The following PARD3B variants were observed in gnomAD, a reference collection of about 807,000 sequenced individuals.
PARD3B encodes the protein par-3 family cell polarity regulator beta, also known as partitioning defective 3 homolog B.
PARD3B carries 103 observed loss-of-function variants against 130.2 expected under a neutral mutation model. The observed-to-expected ratio is 0.79, with a 90% CI of 0.67 to 0.93. PARD3B has a LOEUF of 0.93. PARD3B is among the 40% of genes least tolerant of loss of function. The pLI, the probability that PARD3B is intolerant of heterozygous loss-of-function variation, is 0.00. For synonymous variants in PARD3B, 583 were observed against 553.2 expected (o/e 1.05, Z -0.76); for missense variants, 1,609 against 1,499.2 (o/e 1.07, Z -1.21).
At position 205,176,920 on chromosome 2, in the gene PARD3B, AC is replaced by A. The variant is rs915928185; in HGVS notation, c.1924+345del. The stretch of plus-strand genomic sequence containing the variant: ...AGTTACCAAGTATAAATAAATAACT[AC>A]CAAAATTTAAAAATGTATGGATTTA... On this transcript the variant is annotated intron_variant, in intron 13 of 22. Coordinates refer to ENST00000406610, the MANE Select transcript of PARD3B (RefSeq NM_001302769.2). The surrounding 1 kb of genome is among the most constrained non-coding windows in gnomAD (Gnocchi z 5.3). Among the ~76,000 whole-genome samples, 1 of 152,236 alleles carries A rather than the reference AC, an allele frequency of 6.6e-6. No homozygotes were observed. Among genetic ancestry groups the A allele is most frequent in the African/African-American group, 2.4e-5 (1 of 41,464 alleles).
intron 1 of PARD3B, among the ~76,000 whole-genome samples, chr2:204,607,514 G>A (rs1014250403): frequency 6.6e-6 from 1 of 152,104 alleles, no homozygotes; most frequent in Non-Finnish European, 1.5e-5. Context: ...ACATTACATG[G>A]TTTGACTGGG....
intron 15 of PARD3B, among the ~76,000 whole-genome samples, chr2:205,242,681 C>T (rs1467180377): frequency 2.0e-5 from 3 of 152,164 alleles, no homozygotes; most frequent in Admixed American, 6.5e-5. Context: ...AATTAAATCA[C>T]GTACCCCACA....
chr2:204,855,571 A>G (rs1270562116), intron 2 of PARD3B, among the ~76,000 whole-genome samples: 1 of 148,808 alleles, frequency 6.7e-6, no homozygotes, highest in Non-Finnish European at 1.5e-5. Context: ...ATATATATAT[A>G]TAAGGAATTT....
intron 2 of PARD3B, among the ~76,000 whole-genome samples, chr2:204,743,497 G>C (rs889189284): frequency 6.6e-6 from 1 of 152,068 alleles, no homozygotes; most frequent in African/African-American, 2.4e-5. Flanking sequence ...GCATTTACTG[G>C]TAAGGTTTCT....
At position 204,997,262 on chromosome 2, in the gene PARD3B, C is replaced by T. The variant is rs147567615; in HGVS notation, c.394+31939C>T. 1.2e-3 allele frequency among the ~76,000 whole-genome samples: 182 copies of T among 152,158 alleles called. No homozygotes were observed. In the East Asian group the frequency reaches 0.018, roughly 15 times the overall value. The stretch of plus-strand genomic sequence containing the variant: ...CTTCCACTTTAATTTTAGAACTGGC[C>T]GGTTAAATTTCAGAAGCAGAAACCT... On this transcript the variant is annotated intron_variant, in intron 3 of 22. Transcript: ENST00000406610.
intron 3 of PARD3B, among the ~76,000 whole-genome samples, chr2:205,017,409 C>CA (rs371352755): frequency 2.0e-5 from 3 of 152,154 alleles, no homozygotes; most frequent in African/African-American, 4.8e-5. Flanking sequence ...GTTGCCCCCC[C>CA]ATTCCTTTTC....
chr2:204,639,132 G>C (rs549562238), intron 1 of PARD3B, among the ~76,000 whole-genome samples: 2 of 152,160 alleles, frequency 1.3e-5, no homozygotes, highest in Non-Finnish European at 2.9e-5. Context: ...AGGGATTGGG[G>C]AAAATGAACA....
intron 3 of PARD3B, among the ~76,000 whole-genome samples, chr2:204,972,291 T>C (rs528013458): frequency 3.9e-5 from 6 of 152,296 alleles, no homozygotes; most frequent in African/African-American, 1.4e-4. Flanking sequence ...TAAAATAAAA[T>C]GATGAAGTTT....
chr2:205,606,164 G>A (rs1038483639), intron 22 of PARD3B, among the ~76,000 whole-genome samples: 1 of 151,964 alleles, frequency 6.6e-6, no homozygotes, highest in African/African-American at 2.4e-5. Context: ...CAGGAACTCA[G>A]TAATCTTAAG....
chr2:205,269,002 C>T lies in PARD3B; in HGVS notation c.2185+23180C>T, dbSNP rs941045386. On this transcript the variant is annotated intron_variant, in intron 16 of 22. Coordinates refer to ENST00000406610, the MANE Select transcript of PARD3B (RefSeq NM_001302769.2). The surrounding 1 kb of genome is among the most constrained non-coding windows in gnomAD (Gnocchi z 4.7). Reference sequence around the variant, plus strand: ...TATAAATCATTCATTTTTCAAAAACCTGTGAAGCTCAAAGAATAGGTATTA... The same window carrying T: ...TATAAATCATTCATTTTTCAAAAACTTGTGAAGCTCAAAGAATAGGTATTA... Among the ~76,000 whole-genome samples the T allele has an allele frequency of 6.6e-6, 1 of 152,018 alleles. No homozygotes were observed. The highest frequency in any genetic ancestry group is 1.5e-5 in the Non-Finnish European group (1 of 67,976).
At chr2:204,624,930 A>G (rs2334802) in intron 1 of PARD3B, among the ~76,000 whole-genome samples, 95,583 of 151,936 alleles carry the variant, frequency 0.63, 33,578 homozygotes, top group Non-Finnish European at 0.78. Context: ...GGTCATTCTA[A>G]TAATTGTGTA....
At chr2:204,746,212 ATGAGTG>A (rs1437677816) in intron 2 of PARD3B, among the ~76,000 whole-genome samples, 86 of 141,386 alleles carry the variant, frequency 6.1e-4, no homozygotes, top group African/African-American at 2.2e-3. Context: ...ATTCCCACCT[ATGAGTG>A]AGAACATGCA....
At chr2:204,747,294 G>A (rs1025311777) in intron 2 of PARD3B, among the ~76,000 whole-genome samples, 6 of 152,018 alleles carry the variant, frequency 3.9e-5, no homozygotes, top group African/African-American at 1.4e-4. Context: ...TTGTAGATGT[G>A]TGGTAGAGCC....
chr2:205,561,323 T>C (rs2053127499), intron 22 of PARD3B, among the ~76,000 whole-genome samples: 1 of 152,192 alleles, frequency 6.6e-6, no homozygotes, highest in Non-Finnish European at 1.5e-5. Flanking sequence ...AATGCCACAG[T>C]ACTGGGCGTT....
intron 18 of PARD3B, among the ~76,000 whole-genome samples, chr2:205,359,461 T>C (rs542735030): frequency 1.3e-5 from 2 of 152,336 alleles, no homozygotes; most frequent in South Asian, 2.1e-4. Flanking sequence ...TTGGACTGAG[T>C]GCAAAGAGTT....
At chr2:205,399,656 C>A (rs1214223320) in intron 18 of PARD3B, among the ~76,000 whole-genome samples, 2 of 152,082 alleles carry the variant, frequency 1.3e-5, no homozygotes, top group African/African-American at 4.8e-5. Context: ...CACCCAGCTG[C>A]ATCTTCTTTT....
At chr2:205,482,779 A>G (rs1198009467) in intron 20 of PARD3B, 1 of 152,176 alleles carries the variant, frequency 6.6e-6, no homozygotes, top group Non-Finnish European at 1.5e-5. Context: ...TAATTCGGTG[A>G]CACCATCTTT....
chr2:205,023,927 T>C (rs1696821844), intron 3 of PARD3B, among the ~76,000 whole-genome samples: 1 of 152,100 alleles, frequency 6.6e-6, no homozygotes, highest in Non-Finnish European at 1.5e-5. Context: ...AGAAATTGTT[T>C]GAGTTTGAAT....
intron 2 of PARD3B, among the ~76,000 whole-genome samples, chr2:204,840,638 G>C (rs1298703714): frequency 6.6e-6 from 1 of 151,652 alleles, no homozygotes; most frequent in Non-Finnish European, 1.5e-5. Flanking sequence ...ATTGTATATT[G>C]TATGAGGCAA....
Sources: allele counts gnomAD v4.1 joint callset (sites outside exome capture counted in the v4.1 genomes callset), GRCh38; gene constraint gnomAD v4.1.1; non-coding constraint Gnocchi (gnomAD v3.1); transcripts MANE v1.5; gene names NCBI Gene and HGNC (gene_info 2026-07-23, HGNC 2026-07-21).